Variants in MRPL14 observed in about 807,000 individuals in gnomAD.
MRPL14 encodes the protein mitochondrial ribosomal protein L14.
A neutral mutation model predicts 10.9 loss-of-function variants in MRPL14; 8 were observed. The ratio of observed to expected loss-of-function variants is 0.74; its 90% confidence interval spans 0.43 to 1.33. The LOEUF (loss-of-function observed/expected upper bound fraction) is 1.33. MRPL14 is among the 40% of genes most tolerant of loss of function. MRPL14 has a pLI of 0.01. For missense variants in MRPL14, 179 were observed against 194.5 expected (o/e 0.92, Z 0.47); for synonymous variants, 82 against 74.1 (o/e 1.11, Z -0.54).
chr6:44,117,288 A>G (rs373128190), intron 1 of MRPL14, among the ~76,000 whole-genome samples: 1 of 152,210 alleles, frequency 6.6e-6, no homozygotes, highest in East Asian at 1.9e-4. Context: ...TTGGGAAACC[A>G]ACTTGAAGAG....
chr6:44,117,499 G>A (rs1190204380), intron 1 of MRPL14, among the ~76,000 whole-genome samples: 2 of 152,264 alleles, frequency 1.3e-5, no homozygotes, highest in South Asian at 4.2e-4. Flanking sequence ...TGGCAGCAGA[G>A]GTGCCCATTC....
intron 1 of MRPL14, among the ~76,000 whole-genome samples, chr6:44,121,678 G>A (rs1377848332): frequency 6.6e-6 from 1 of 152,208 alleles, no homozygotes; most frequent in Non-Finnish European, 1.5e-5. Flanking sequence ...AGTGGCTTAC[G>A]CCTATAATCC....
chr6:44,116,737 T>C (rs968054822), intron 1 of MRPL14, 108 bp from the exon 2 acceptor site: 9 of 717,786 alleles, frequency 1.3e-5, no homozygotes, highest in Non-Finnish European at 2.3e-5. Flanking sequence ...ACAAGATCAT[T>C]AGTCACAAAA....
chr6:44,124,311 T>C (rs1776727504), intron 1 of MRPL14, among the ~76,000 whole-genome samples: 1 of 152,150 alleles, frequency 6.6e-6, no homozygotes, highest in Non-Finnish European at 1.5e-5. Flanking sequence ...CCTGTCTGGG[T>C]CTCAACGACT....
intron 1 of MRPL14, among the ~76,000 whole-genome samples, chr6:44,123,591 C>G (rs952760932): frequency 2.0e-5 from 3 of 152,230 alleles, no homozygotes; most frequent in African/African-American, 7.2e-5. Flanking sequence ...GCATGATCAG[C>G]TGTTTCCACC....
intron 2 of MRPL14, among the ~76,000 whole-genome samples, chr6:44,115,633 T>TC (rs1775771371): frequency 2.0e-5 from 3 of 151,658 alleles, no homozygotes; most frequent in African/African-American, 7.2e-5. Context: ...CAAAGAGCTC[T>TC]CTTTAGAATA....
At chr6:44,117,840 G>GTTTTTTTTTTTTT (rs56204643) in intron 1 of MRPL14, among the ~76,000 whole-genome samples, 3 of 75,362 alleles carry the variant, frequency 4.0e-5, no homozygotes, top group Non-Finnish European at 7.3e-5. Context: ...AATTTTTTGT[G>GTTTTTTTTTTTTT]TTTTTTTTTT....
chr6:44,114,329 CT>C, intron 2 of MRPL14, 120 bp from the exon 3 acceptor site: 2 of 1,215,792 alleles, frequency 1.6e-6, no homozygotes, highest in Non-Finnish European at 2.3e-6. Context: ...GAGCAGAGTG[CT>C]GTCCAGGAGC....
intron 1 of MRPL14, among the ~76,000 whole-genome samples, chr6:44,124,327 T>G (rs774607777): frequency 2.0e-5 from 3 of 152,178 alleles, no homozygotes; most frequent in Non-Finnish European, 2.9e-5. Context: ...CGACTCTCTG[T>G]CAAGCAGAGA....
chr6:44,119,323 G>A (rs1042436248), intron 1 of MRPL14, among the ~76,000 whole-genome samples: 7 of 152,158 alleles, frequency 4.6e-5, no homozygotes, highest in African/African-American at 1.7e-4. Flanking sequence ...AAGGTCAGGA[G>A]TTTGAGACCA....
At chr6:44,125,227 GA>G (rs1159467331) in intron 1 of MRPL14, among the ~76,000 whole-genome samples, 24 of 152,318 alleles carry the variant, frequency 1.6e-4, no homozygotes, top group African/African-American at 5.1e-4. Context: ...GCTTGCCCTG[GA>G]AAGTGTCACT....
intron 1 of MRPL14, among the ~76,000 whole-genome samples, chr6:44,120,275 C>A (rs1264565670): frequency 6.6e-6 from 1 of 152,212 alleles, no homozygotes; most frequent in African/African-American, 2.4e-5. Flanking sequence ...CAAACACCCA[C>A]AATGAGTAAA....
At chr6:44,119,905 G>T (rs1268550642) in intron 1 of MRPL14, among the ~76,000 whole-genome samples, 2 of 151,966 alleles carry the variant, frequency 1.3e-5, no homozygotes, top group African/African-American at 4.8e-5. Flanking sequence ...CCCGAGAAGT[G>T]CAACACCCTG....
chr6:44,120,258 C>T (rs1776269097), intron 1 of MRPL14, among the ~76,000 whole-genome samples: 1 of 152,214 alleles, frequency 6.6e-6, no homozygotes, highest in Non-Finnish European at 1.5e-5. Flanking sequence ...AACCAATATT[C>T]ACTATCCAAA....
At chr6:44,123,917 A>G (rs905583700) in intron 1 of MRPL14, among the ~76,000 whole-genome samples, 1 of 152,132 alleles carries the variant, frequency 6.6e-6, no homozygotes, top group African/African-American at 2.4e-5. Flanking sequence ...ACAATTCTCA[A>G]TTATTCAAGA....
intron 1 of MRPL14, among the ~76,000 whole-genome samples, chr6:44,119,428 T>G (rs1776192128): frequency 6.6e-6 from 1 of 151,740 alleles, no homozygotes; most frequent in South Asian, 2.1e-4. Flanking sequence ...CTCAGGAGGC[T>G]GAGACAGGAG....
intron 1 of MRPL14, among the ~76,000 whole-genome samples, chr6:44,124,648 T>C (rs1011053206): frequency 6.6e-6 from 1 of 152,228 alleles, no homozygotes; most frequent in Non-Finnish European, 1.5e-5. Flanking sequence ...GCTCTCCTAC[T>C]CTGAGTGGTT....
chr6:44,118,918 C>T (rs932401485), intron 1 of MRPL14, among the ~76,000 whole-genome samples: 3 of 152,080 alleles, frequency 2.0e-5, no homozygotes, highest in Non-Finnish European at 4.4e-5. Flanking sequence ...GAGCCGAGAT[C>T]GCATCATTGC....
chr6:44,114,248 C>G (rs770002890), intron 2 of MRPL14, 39 bp from the exon 3 acceptor site: 2 of 1,580,302 alleles, frequency 1.3e-6, no homozygotes, highest in Admixed American at 1.7e-5. Context: ...GTCTGTATCT[C>G]TTATGGTCAG....
Sources: gnomAD v4.1 joint callset for allele counts (sites outside exome capture counted in the v4.1 genomes callset) on GRCh38, gnomAD v4.1.1 for gene constraint, MANE v1.5 for transcripts, NCBI Gene and HGNC (gene_info 2026-07-23, HGNC 2026-07-21) for gene names.